MYOM2: variants seen among roughly 807,000 people sequenced by gnomAD.
The protein encoded by MYOM2 is myomesin-2.
In MYOM2, 254 loss-of-function variants were observed where a neutral mutation model predicts 187.6. The observed-to-expected ratio is 1.35, with a 90% CI of 1.22 to 1.50. MYOM2 has a LOEUF of 1.50. MYOM2 is among the 40% of genes most tolerant of loss of function. MYOM2 has a pLI of 0.00. For missense variants in MYOM2, 2,796 were observed against 1,924.0 expected, an observed-to-expected ratio of 1.45 and a Z score of -8.48; for synonymous variants, 981 against 753.8, an observed-to-expected ratio of 1.30 and a Z score of -4.94.
intron 19 of MYOM2, chr8:2,100,567 T>C: frequency 2.9e-6 from 1 of 341,360 alleles, no homozygotes; most frequent in South Asian, 4.6e-5. Context: ...CTTGAGAACC[T>C]GTCCTTTCCC....
chr8:2,084,637 A>G (rs1288609474), intron 13 of MYOM2, among the ~76,000 whole-genome samples: 4 of 152,202 alleles, frequency 2.6e-5, no homozygotes, highest in Admixed American at 2.6e-4. Flanking sequence ...AGGCATATGG[A>G]GCATCTCTGA....
At chr8:2,124,055 A>T in intron 30 of MYOM2, 124 bp from the exon 31 acceptor site, 1 of 959,952 alleles carries the variant, frequency 1.0e-6, no homozygotes, top group Non-Finnish European at 1.6e-6. Flanking sequence ...AAATATTGCC[A>T]TTTTAATGAT....
At chr8:2,112,865 C>T (rs993596184) in intron 25 of MYOM2, among the ~76,000 whole-genome samples, 9 of 152,214 alleles carry the variant, frequency 5.9e-5, no homozygotes, top group Non-Finnish European at 1.2e-4. Context: ...GCTGCTAAGG[C>T]AAGGGCTGTG....
intron 5 of MYOM2, among the ~76,000 whole-genome samples, chr8:2,058,357 T>C (rs1818743775): frequency 6.6e-6 from 1 of 152,114 alleles, no homozygotes; most frequent in Non-Finnish European, 1.5e-5. Context: ...GAAATGATCA[T>C]GGCTGTTGTC....
intron 3 of MYOM2, among the ~76,000 whole-genome samples, chr8:2,055,078 T>G (rs1419093494): frequency 4.0e-5 from 2 of 49,612 alleles, no homozygotes; most frequent in Non-Finnish European, 9.8e-5. Flanking sequence ...ACCTGGATAC[T>G]GGGGGAACGA....
intron 1 of MYOM2, among the ~76,000 whole-genome samples, chr8:2,047,833 C>G (rs903354063): frequency 6.6e-6 from 1 of 152,204 alleles, no homozygotes; most frequent in African/African-American, 2.4e-5. Flanking sequence ...CAAAGTGTAG[C>G]CCCTCACACA....
chr8:2,126,817 A>G (rs1271061228), intron 31 of MYOM2, among the ~76,000 whole-genome samples: 1 of 107,468 alleles, frequency 9.3e-6, no homozygotes, highest in Admixed American at 1.1e-4. Context: ...AGGCTGATAA[A>G]GTCTGGGGGA....
At chr8:2,140,971 C>T (rs185197694) in intron 33 of MYOM2, 85 bp downstream of exon 33, 2 of 1,408,734 alleles carry the variant, frequency 1.4e-6, no homozygotes, top group East Asian at 4.7e-5. Flanking sequence ...AATATGAATA[C>T]AAGAGACAAT....
In MYOM2 at chr8:2,120,675, T is replaced by TATATA. The variant is rs1220891042; in HGVS notation, c.3454-2577_3454-2576insATATA. ...GATTTCCTGTATATATATATATATATTATATTATATATAAATATATAATAT... is the reference window on the plus strand; with the variant it reads ...GATTTCCTGTATATATATATATATATATATATATATTATATATAAATATATAATAT... On this transcript the variant is annotated intron_variant, in intron 28 of 36. Coordinates refer to ENST00000262113, the MANE Select transcript of MYOM2 (RefSeq NM_003970.4). Among the ~76,000 whole-genome samples the TATATA allele has an allele frequency of 2.4e-4, 10 of 41,418 alleles. 1 individual carries two copies. The highest frequency in any genetic ancestry group is 8.8e-4 in the Admixed American group (2 of 2,272). 27.2% of individuals were successfully genotyped at this position (41,418 alleles called of 152,430 possible).
At chr8:2,074,465 T>A (rs1819345275) in intron 10 of MYOM2, among the ~76,000 whole-genome samples, 1 of 152,028 alleles carries the variant, frequency 6.6e-6, no homozygotes, top group South Asian at 2.1e-4. Context: ...TTTTTTAGTT[T>A]TGTTTTTGAG....
intron 15 of MYOM2, among the ~76,000 whole-genome samples, chr8:2,090,590 T>A (rs1796265547): frequency 6.6e-6 from 1 of 152,184 alleles, no homozygotes; most frequent in Non-Finnish European, 1.5e-5. Flanking sequence ...CTAGTAGCCA[T>A]TAGTGACTTT....
intron 1 of MYOM2, among the ~76,000 whole-genome samples, chr8:2,050,232 A>C (rs1585812726): frequency 1.3e-5 from 2 of 149,744 alleles, no homozygotes; most frequent in Non-Finnish European, 1.5e-5. Context: ...CTCCTTTCCC[A>C]CCTCCGCCTG....
At position 2,123,567 on chromosome 8, in the gene MYOM2, G is replaced by C; in HGVS notation, c.3580G>C (p.Asp1194His). Reference protein sequence around the residue: ...ELLIPKLSKKDHGEYKATLKD... With the variant: ...ELLIPKLSKKHHGEYKATLKD... ...GTTTTCTTTGTAGTTGTCAAAGAAG[G>C]ACCACGGTGAATACAAGGCAACCTT... is the stretch of plus-strand genomic sequence containing the variant. Residue 1194 changes from aspartate to histidine, a missense_variant, in exon 30 of 37, where the codon GAC becomes CAC. Coordinates refer to ENST00000262113, the MANE Select transcript of MYOM2 (RefSeq NM_003970.4). 4 of 1,613,980 alleles carry C rather than the reference G, an allele frequency of 2.5e-6. No homozygotes were observed. The highest frequency in any genetic ancestry group is 3.4e-6 in the Non-Finnish European group (4 of 1,179,884).
intron 8 of MYOM2, among the ~76,000 whole-genome samples, 177 bp downstream of exon 8, chr8:2,069,674 C>T (rs1487139426): frequency 2.6e-5 from 4 of 152,010 alleles, no homozygotes; most frequent in Non-Finnish European, 4.4e-5. Flanking sequence ...CTCCGCCTCC[C>T]GGGTTCACAC....
At chr8:2,118,047 G>T in intron 28 of MYOM2, 95 bp downstream of exon 28, 1 of 1,114,312 alleles carries the variant, frequency 9.0e-7, no homozygotes, top group Non-Finnish European at 1.3e-6. Context: ...GATCTGTGAT[G>T]CTGGTGAGGA....
intron 1 of MYOM2, among the ~76,000 whole-genome samples, chr8:2,047,762 T>C (rs1257596520): frequency 1.3e-5 from 2 of 152,172 alleles, no homozygotes; most frequent in South Asian, 2.1e-4. Context: ...TAAGGTACCA[T>C]TGGAGTGAGG....
At chr8:2,129,003 A>G (rs755326060) in intron 31 of MYOM2, 124 bp from the exon 32 acceptor site, 113 of 616,318 alleles carry the variant, frequency 1.8e-4, no homozygotes, top group Non-Finnish European at 2.5e-4. Context: ...GGCCGACTTT[A>G]TGAGAGACAC....
In MYOM2 at chr8:2,140,845, G is replaced by T. The variant is rs775374745; in HGVS notation, c.3923G>T (p.Gly1308Val). The T allele has an allele frequency of 4.3e-6, 7 of 1,614,032 alleles. No individual in the cohort carries two copies. In the East Asian group the frequency reaches 1.6e-4, roughly 36 times the overall value. ...AAATACACTTTTGAGATTTTCGATG[G>T]CAAAGACAACCATCAACGCTCCCTT... Reference protein sequence around the residue: ...KGKYTFEIFDGKDNHQRSLDL... With the variant: ...KGKYTFEIFDVKDNHQRSLDL... The change falls in exon 33 of 37, where the codon GGC becomes GTC. Residue 1308 changes from glycine to valine, a missense_variant. Gly to Val is a moderately radical substitution (Grantham distance 109). Transcript: ENST00000262113.
chr8:2,116,039 C>A lies in MYOM2; in HGVS notation c.3260C>A (p.Thr1087Asn), dbSNP rs561482549. The A allele has an allele frequency of 3.1e-6, 5 of 1,613,498 alleles. No homozygotes were observed. The highest frequency in any genetic ancestry group is 1.3e-5 in the African/African-American group (1 of 74,810). ...MDRFSIENEG[T>N]YTVQIHDGKA... Reference sequence around the variant, plus strand: ...CGATTTAGTATTGAAAATGAGGGGACCTACACTGTGCAGATTCATGATGGG... The same window carrying A: ...CGATTTAGTATTGAAAATGAGGGGAACTACACTGTGCAGATTCATGATGGG... The change falls in exon 26 of 37, where the codon ACC becomes AAC. Residue 1087 changes from threonine (T) to asparagine (N), a missense_variant. Thr to Asn is a moderately conservative substitution (Grantham distance 65). Coordinates refer to ENST00000262113, the MANE Select transcript of MYOM2 (RefSeq NM_003970.4).
Sources: gnomAD v4.1 joint callset for allele counts (sites outside exome capture counted in the v4.1 genomes callset) on GRCh38, gnomAD v4.1.1 for gene constraint, MANE v1.5 for transcripts, NCBI Gene and HGNC (gene_info 2026-07-23, HGNC 2026-07-21) for gene names.